TCF12: variants seen among roughly 807,000 people sequenced by gnomAD.
The protein encoded by TCF12 is DNA-binding protein HTF4.
A neutral mutation model predicts 86.0 loss-of-function variants in TCF12; 45 were observed. The ratio of observed to expected loss-of-function variants is 0.52; its 90% confidence interval spans 0.41 to 0.67. The LOEUF (loss-of-function observed/expected upper bound fraction) is 0.67. TCF12 is among the 30% of genes least tolerant of loss of function. The pLI is 0.00. For missense variants in TCF12, 881 were observed against 859.9 expected (o/e 1.02, Z -0.31); for synonymous variants, 330 against 299.6 (o/e 1.10, Z -1.05).
chr15:57,208,245 G>C (rs1051658236), intron 8 of TCF12, among the ~76,000 whole-genome samples: 1 of 151,592 alleles, frequency 6.6e-6, no homozygotes, highest in Non-Finnish European at 1.5e-5. Context: ...TCTTGGCCAG[G>C]CTGGTCTTGA....
intron 19 of TCF12, among the ~76,000 whole-genome samples, chr15:57,280,446 T>C (rs1466784650): frequency 6.6e-6 from 1 of 152,244 alleles, no homozygotes; most frequent in East Asian, 1.9e-4. Flanking sequence ...GAAATTTTAT[T>C]AGTATGCATC....
chr15:57,113,949 C>G lies in TCF12; in HGVS notation c.325+22058C>G, dbSNP rs1216978905. On this transcript the variant is annotated intron_variant, in intron 5 of 20. Transcript: ENST00000333725. ...TCAGCCTGGGTGACAGAGTGAGACC[C>G]TGTCTCAAAAAGAAGAAAAAAAATA... Among the ~76,000 whole-genome samples the G allele has an allele frequency of 2.0e-5, 3 of 151,976 alleles. No homozygotes were observed. The South Asian group carries it at 6.3e-4, about 32-fold the overall frequency.
chr15:57,008,036 C>G (rs28637136), intron 3 of TCF12, among the ~76,000 whole-genome samples: 113,381 of 150,978 alleles, frequency 0.75, 42,797 homozygotes, highest in East Asian at 0.79. Flanking sequence ...TCATAGCTCA[C>G]TGCAATCTTG....
intron 18 of TCF12, among the ~76,000 whole-genome samples, chr15:57,266,100 T>TATTG (rs1330668638): frequency 1.3e-5 from 2 of 148,442 alleles, no homozygotes; most frequent in Non-Finnish European, 3.0e-5. Context: ...TTTATTTATT[T>TATTG]ATTTATTTAT....
chr15:57,169,086 C>T (rs1428722500), intron 6 of TCF12, among the ~76,000 whole-genome samples: 3 of 152,072 alleles, frequency 2.0e-5, no homozygotes, highest in African/African-American at 4.8e-5. Flanking sequence ...TAAGTTACAT[C>T]ATTTGGACAA....
intron 3 of TCF12, among the ~76,000 whole-genome samples, chr15:56,944,855 G>A (rs1339742178): frequency 6.6e-6 from 1 of 152,140 alleles, no homozygotes; most frequent in African/African-American, 2.4e-5. Context: ...TCTTCCATTT[G>A]ATATATTAAG....
At chr15:57,097,583 C>A (rs914171275) in intron 5 of TCF12, among the ~76,000 whole-genome samples, 3 of 151,884 alleles carry the variant, frequency 2.0e-5, no homozygotes, top group Non-Finnish European at 2.9e-5. Flanking sequence ...GAAATTTCTT[C>A]ACTAGATGAG....
intron 19 of TCF12, among the ~76,000 whole-genome samples, chr15:57,277,959 T>C (rs1353616310): frequency 2.0e-5 from 3 of 151,662 alleles, no homozygotes; most frequent in African/African-American, 7.3e-5. Flanking sequence ...AAAAAAGATA[T>C]ATCAGATATG....
chr15:56,949,971 G>A (rs1183175902), intron 3 of TCF12, among the ~76,000 whole-genome samples: 1 of 152,176 alleles, frequency 6.6e-6, no homozygotes, highest in Non-Finnish European at 1.5e-5. Context: ...AAGTACAGTA[G>A]CCATTAGCAA....
At chr15:57,187,496 A>G (rs1386889397) in intron 6 of TCF12, among the ~76,000 whole-genome samples, 1 of 152,228 alleles carries the variant, frequency 6.6e-6, no homozygotes, top group Non-Finnish European at 1.5e-5. Flanking sequence ...TAACACTATG[A>G]TAGCTGATGA....
rs564690575 is a variant in TCF12, at chr15:57,078,883, A to T, written c.223-12906A>T. On this transcript the variant is annotated intron_variant, in intron 4 of 20. Coordinates refer to ENST00000333725, the MANE Select transcript of TCF12 (RefSeq NM_207037.2). ...TCGTATTTGATCACATAGATAACTC[A>T]GTTTATATCACAATTAGCTTTAGTT... 2.0e-4 allele frequency among the ~76,000 whole-genome samples: 31 copies of T among 152,308 alleles called. 1 individual carries two copies. In the South Asian group the frequency reaches 6.4e-3, roughly 32 times the overall value.
At chr15:57,130,757 CTTG>C (rs1254610989) in intron 5 of TCF12, among the ~76,000 whole-genome samples, 2 of 152,052 alleles carry the variant, frequency 1.3e-5, no homozygotes, top group Non-Finnish European at 2.9e-5. Context: ...GAAAAATGTG[CTTG>C]TTGTGTTACA....
chr15:57,150,752 T>C (rs563101430), intron 5 of TCF12, among the ~76,000 whole-genome samples: 2 of 152,184 alleles, frequency 1.3e-5, no homozygotes, highest in African/African-American at 2.4e-5. Flanking sequence ...ATACGCTTGA[T>C]AGCTCAAGAA....
At chr15:56,946,345 G>A (rs1201843941) in intron 3 of TCF12, among the ~76,000 whole-genome samples, 2 of 152,048 alleles carry the variant, frequency 1.3e-5, no homozygotes, top group East Asian at 1.9e-4. Context: ...TCAGGCTACC[G>A]ATCTTTTCTT....
At chr15:57,010,850 T>C (rs370023853) in intron 3 of TCF12, among the ~76,000 whole-genome samples, 37 of 152,336 alleles carry the variant, frequency 2.4e-4, no homozygotes, top group African/African-American at 8.7e-4. Context: ...CTTGGTGTTG[T>C]ATAACTTAAA....
At chr15:57,076,054 T>C (rs2070003231) in intron 4 of TCF12, among the ~76,000 whole-genome samples, 1 of 151,210 alleles carries the variant, frequency 6.6e-6, no homozygotes, top group Non-Finnish European at 1.5e-5. Context: ...AGGGTCTCAC[T>C]TAGGTTGCCC....
rs2061208427 is a variant in TCF12, at chr15:57,272,899, C to T, written c.1746-131C>T. The T allele has an allele frequency of 6.2e-6, 5 of 809,550 alleles. No individual in the cohort carries two copies. In the Admixed American group the frequency reaches 1.1e-4, roughly 18 times the overall value. 50.1% of individuals were successfully genotyped at this position (809,550 alleles called of 1,614,324 possible). A position where few individuals can be genotyped will look rare whatever the true frequency, so the allele number is the denominator to read the frequency against. The stretch of plus-strand genomic sequence containing the variant: ...AAGGAATATACAGTCATGTTAACTG[C>T]ACCTATTACAACTGTTTACAAGATT... On this transcript the variant is annotated intron_variant, in intron 18 of 20. Coordinates refer to ENST00000333725, the MANE Select transcript of TCF12 (RefSeq NM_207037.2).
At position 57,038,461 on chromosome 15, in the gene TCF12, A is replaced by AGAGG. The variant is rs58248667; in HGVS notation, c.149-25270_149-25267dup. Among the ~76,000 whole-genome samples the AGAGG allele has an allele frequency of 4.2e-4, 43 of 102,282 alleles. 2 individuals carry two copies. Among genetic ancestry groups the AGAGG allele is most frequent in the Middle Eastern group, 8.3e-3 (2 of 242 alleles). The allele number at this position is 102,282 out of a possible 152,430, so 67.1% of individuals were successfully genotyped here. A position where few individuals can be genotyped will look rare whatever the true frequency, so the allele number is the denominator to read the frequency against. On this transcript the variant is annotated intron_variant, in intron 3 of 20. Coordinates refer to ENST00000333725, the MANE Select transcript of TCF12 (RefSeq NM_207037.2). The stretch of plus-strand genomic sequence containing the variant: ...GGTGGGGGTGGTGGAGAGAAGGAAG[A>AGAGG]GAGGGAGGGAGGGAGGGAGGGAAAG...
intron 5 of TCF12, among the ~76,000 whole-genome samples, chr15:57,127,341 A>G (rs2051742855): frequency 6.6e-6 from 1 of 152,142 alleles, no homozygotes; most frequent in African/African-American, 2.4e-5. Context: ...TTATAAAACA[A>G]TTACAATATA....
Sources: gnomAD v4.1 joint callset for allele counts (sites outside exome capture counted in the v4.1 genomes callset) on GRCh38, gnomAD v4.1.1 for gene constraint, MANE v1.5 for transcripts, NCBI Gene and HGNC (gene_info 2026-07-23, HGNC 2026-07-21) for gene names.